The following PLPP3 variants were observed in gnomAD, a reference collection of about 807,000 sequenced individuals.
PLPP3 encodes the protein PAP2 beta.
PLPP3 carries 6 observed loss-of-function variants against 29.6 expected under a neutral mutation model. That is an observed-to-expected ratio of 0.20 (90% CI 0.11 to 0.40). The LOEUF (loss-of-function observed/expected upper bound fraction) is 0.40. Among genes scored for constraint, PLPP3 ranks in the 10% least tolerant of loss-of-function variants. The pLI is 1.00. For synonymous variants in PLPP3, 152 were observed against 159.7 expected, an observed-to-expected ratio of 0.95 and a Z score of 0.36; for missense variants, 308 against 407.7, an observed-to-expected ratio of 0.76 and a Z score of 2.11.
intron 1 of PLPP3, among the ~76,000 whole-genome samples, chr1:56,575,544 T>C (rs1031914076): frequency 2.0e-5 from 3 of 152,150 alleles, no homozygotes; most frequent in Non-Finnish European, 4.4e-5. Flanking sequence ...TGCAAATGGG[T>C]AACTGGGAAA....
chr1:56,514,751 A>T (rs1645769834), intron 4 of PLPP3, among the ~76,000 whole-genome samples: 1 of 152,216 alleles, frequency 6.6e-6, no homozygotes, highest in Non-Finnish European at 1.5e-5. Flanking sequence ...AGCAATGGTG[A>T]AAAATTAAAT....
rs1162287595 is a variant in PLPP3 at position 56,524,319 on chromosome 1, T to G, written c.533A>C (p.Asn178Thr). The change falls in exon 3 of 6, where the codon AAC becomes ACC. Residue 178 changes from asparagine (N) to threonine (T), a missense_variant. Asn to Thr is a moderately conservative substitution (Grantham distance 65). Coordinates refer to ENST00000371250, the MANE Select transcript of PLPP3 (RefSeq NM_003713.5). The surrounding 1 kb of genome is among the most constrained non-coding windows in gnomAD (Gnocchi z 4.3). ...GCTGTCATCACCTCTGCATCTGTAG[T>G]TCTGAATGTAGCCTTCAGAGCAGTT... is the stretch of plus-strand genomic sequence containing the variant. ...QINCSEGYIQ[N>T]YRCRGDDSKV... 1 of 1,614,040 alleles carries G rather than the reference T, an allele frequency of 6.2e-7. No individual in the cohort carries two copies. Among genetic ancestry groups the G allele is most frequent in the East Asian group, 2.2e-5 (1 of 44,874 alleles).
intron 5 of PLPP3, among the ~76,000 whole-genome samples, chr1:56,504,566 T>C (rs1419432903): frequency 6.6e-6 from 1 of 152,144 alleles, no homozygotes; most frequent in Non-Finnish European, 1.5e-5. Context: ...ATGAGGCTAC[T>C]ATTCATTGAG....
intron 1 of PLPP3, among the ~76,000 whole-genome samples, chr1:56,569,132 A>T (rs1206641415): frequency 6.6e-6 from 1 of 151,930 alleles, no homozygotes; most frequent in African/African-American, 2.4e-5. Flanking sequence ...GTCTTTTATA[A>T]AACTATTGTA....
intron 5 of PLPP3, among the ~76,000 whole-genome samples, chr1:56,501,230 C>T (rs939177093): frequency 4.0e-5 from 6 of 151,898 alleles, no homozygotes; most frequent in Admixed American, 3.3e-4. Context: ...GGTATGTGTG[C>T]GAGGGAGGCA....
chr1:56,496,783 A>C, intron 5 of PLPP3, 107 bp from the exon 6 acceptor site: 1 of 1,165,972 alleles, frequency 8.6e-7, no homozygotes, highest in Non-Finnish European at 1.2e-6. Flanking sequence ...AGGGGCCCCA[A>C]ATCATAACTC....
chr1:56,541,413 GT>G (rs1645968159), intron 1 of PLPP3, among the ~76,000 whole-genome samples: 1 of 152,208 alleles, frequency 6.6e-6, no homozygotes, highest in Non-Finnish European at 1.5e-5. Flanking sequence ...CAGTTAGTAA[GT>G]TAGTATGTGC....
intron 1 of PLPP3, among the ~76,000 whole-genome samples, chr1:56,554,259 G>T (rs757129214): frequency 1.3e-5 from 2 of 151,996 alleles, no homozygotes; most frequent in Non-Finnish European, 2.9e-5. Flanking sequence ...AATCTTGACG[G>T]GTTACTGTGA....
intron 4 of PLPP3, among the ~76,000 whole-genome samples, chr1:56,520,408 C>T (rs968584512): frequency 6.6e-6 from 1 of 152,104 alleles, no homozygotes. Context: ...AAAAACAGCA[C>T]TGGGTACACC....
chr1:56,560,955 A>G (rs1646121889), intron 1 of PLPP3, among the ~76,000 whole-genome samples: 2 of 146,576 alleles, frequency 1.4e-5, no homozygotes, highest in African/African-American at 5.1e-5. Context: ...CTCCTGCCTC[A>G]GCCTCCCGAG....
In PLPP3 at chr1:56,515,796, T is replaced by C. The variant is rs974122012; in HGVS notation, c.634-3644A>G. ...TAGTAAAGTGCATTTTGGGGTACAA[T>C]AGCCCTGATTCCAGTCCTGGCTCTG... is the stretch of plus-strand genomic sequence containing the variant. On this transcript the variant is annotated intron_variant, in intron 4 of 5. Coordinates refer to ENST00000371250, the MANE Select transcript of PLPP3 (RefSeq NM_003713.5). Among the ~76,000 whole-genome samples, 12 of 152,178 alleles carry C rather than the reference T, an allele frequency of 7.9e-5. No individual in the cohort carries two copies. The South Asian group carries it at 8.3e-4, about 11-fold the overall frequency.
chr1:56,563,424 A>T (rs1646142907), intron 1 of PLPP3, among the ~76,000 whole-genome samples: 1 of 152,212 alleles, frequency 6.6e-6, no homozygotes, highest in African/African-American at 2.4e-5. Context: ...AAGACTGATA[A>T]GAAGAATTAA....
chr1:56,542,480 C>A (rs1364289221), intron 1 of PLPP3, among the ~76,000 whole-genome samples: 1 of 152,138 alleles, frequency 6.6e-6, no homozygotes, highest in Non-Finnish European at 1.5e-5. Flanking sequence ...TGACCAAAAT[C>A]AGAGCACCAG....
chr1:56,508,725 A>G (rs954354638), intron 5 of PLPP3, among the ~76,000 whole-genome samples: 2 of 151,954 alleles, frequency 1.3e-5, no homozygotes, highest in African/African-American at 2.4e-5. Context: ...ACATTGCACA[A>G]CCCTGATAAA....
chr1:56,552,584 C>G (rs55751848), intron 1 of PLPP3, among the ~76,000 whole-genome samples: 39,965 of 151,886 alleles, frequency 0.26, 5,362 homozygotes, highest in South Asian at 0.37. Context: ...TTTCTGCCCT[C>G]AGAGAGCTCC....
chr1:56,514,626 T>C (rs1341231892), intron 4 of PLPP3, among the ~76,000 whole-genome samples: 1 of 152,236 alleles, frequency 6.6e-6, no homozygotes, highest in East Asian at 1.9e-4. Context: ...ATCATGCTTA[T>C]AAGATTACTA....
intron 1 of PLPP3, among the ~76,000 whole-genome samples, chr1:56,548,641 A>T (rs1445221450): frequency 6.6e-6 from 1 of 152,168 alleles, no homozygotes; most frequent in East Asian, 1.9e-4. Flanking sequence ...AGAAGTTAAT[A>T]AGATGTGGTC....
intron 1 of PLPP3, among the ~76,000 whole-genome samples, chr1:56,570,038 C>G (rs1646187415): frequency 6.6e-6 from 1 of 152,198 alleles, no homozygotes; most frequent in African/African-American, 2.4e-5. Flanking sequence ...TAGGCAAAAG[C>G]CTGTTCCACT....
At chr1:56,553,424 C>T (rs1267064633) in intron 1 of PLPP3, among the ~76,000 whole-genome samples, 3 of 152,168 alleles carry the variant, frequency 2.0e-5, no homozygotes, top group Non-Finnish European at 4.4e-5. Flanking sequence ...TGACCAACCA[C>T]CTTCCCAAGG....
Sources: gnomAD v4.1 joint callset for allele counts (sites outside exome capture counted in the v4.1 genomes callset) on GRCh38, gnomAD v4.1.1 for gene constraint, Gnocchi (gnomAD v3.1) non-coding constraint, MANE v1.5 for transcripts, NCBI Gene and HGNC (gene_info 2026-07-23, HGNC 2026-07-21) for gene names.